DLGAP2: variants seen among roughly 807,000 people sequenced by gnomAD.
The protein encoded by DLGAP2 is DLG associated protein 2, also known as disks large-associated protein 2.
In DLGAP2, 26 loss-of-function variants were observed where a neutral mutation model predicts 100.3. That is an observed-to-expected ratio of 0.26 (90% CI 0.19 to 0.36). The LOEUF (loss-of-function observed/expected upper bound fraction) is 0.36, where lower values mean the gene tolerates loss of function less well. DLGAP2 is among the 10% of genes least tolerant of loss of function. The pLI, the probability that DLGAP2 is intolerant of heterozygous loss-of-function variation, is 1.00. For synonymous variants in DLGAP2, 886 were observed against 630.1 expected (o/e 1.41, Z -6.08); for missense variants, 1,858 against 1,453.2 (o/e 1.28, Z -4.53).
intron 2 of DLGAP2, among the ~76,000 whole-genome samples, chr8:1,221,973 T>C (rs1798323005): frequency 6.6e-6 from 1 of 152,232 alleles, no homozygotes; most frequent in South Asian, 2.1e-4. Flanking sequence ...TGAAAATTGT[T>C]GTCGTTCAAC....
chr8:1,644,028 T>C (rs1398403209), intron 8 of DLGAP2, among the ~76,000 whole-genome samples: 5 of 70,930 alleles, frequency 7.0e-5, no homozygotes, highest in East Asian at 4.3e-4. Context: ...CCGCCGGCCC[T>C]CACCTGTGTC....
chr8:870,114 A>G (rs745989607), intron 1 of DLGAP2, among the ~76,000 whole-genome samples: 33 of 152,008 alleles, frequency 2.2e-4, no homozygotes, highest in Non-Finnish European at 3.8e-4. Flanking sequence ...TTGCTTTCTT[A>G]AGATTTTCTC....
At position 867,153 on chromosome 8, in the gene DLGAP2, C is replaced by T. The variant is rs532100294; in HGVS notation, c.19-40759C>T. Among the ~76,000 whole-genome samples, 379 of 152,288 alleles carry T rather than the reference C, an allele frequency of 2.5e-3. 1 individual carries two copies. Among genetic ancestry groups the T allele is most frequent in the African/African-American group, 8.7e-3 (362 of 41,564 alleles). ...GACCACAGACTTCTCAGTTCAGACA[C>T]GGAGTTCGTAAATTAATGTTATCTT... On this transcript the variant is annotated intron_variant, in intron 1 of 14. Coordinates refer to ENST00000637795, the MANE Select transcript of DLGAP2 (RefSeq NM_001346810.2).
At chr8:1,156,341 G>A (rs1361468212) in intron 2 of DLGAP2, among the ~76,000 whole-genome samples, 1 of 152,190 alleles carries the variant, frequency 6.6e-6, no homozygotes, top group Non-Finnish European at 1.5e-5. Context: ...GAAGCCTGGT[G>A]GCCCGGAGGA....
chr8:1,159,281 C>G (rs977965344), intron 2 of DLGAP2, among the ~76,000 whole-genome samples: 1 of 152,172 alleles, frequency 6.6e-6, no homozygotes, highest in African/African-American at 2.4e-5. Context: ...TCAAGAGTCT[C>G]CTGTTGTTTA....
At chr8:1,279,391 T>C (rs1799770327) in intron 3 of DLGAP2, among the ~76,000 whole-genome samples, 1 of 152,234 alleles carries the variant, frequency 6.6e-6, no homozygotes, top group Admixed American at 6.5e-5. Flanking sequence ...ATGATGTCTG[T>C]CTTAATTGAT....
intron 2 of DLGAP2, among the ~76,000 whole-genome samples, chr8:1,057,996 A>G (rs1802933589): frequency 6.6e-6 from 1 of 152,216 alleles, no homozygotes; most frequent in Admixed American, 6.5e-5. Flanking sequence ...ACATGAACCT[A>G]AGATTATGGG....
chr8:1,701,388 G>A lies in DLGAP2; in HGVS notation c.3150G>A (p.Glu1050=). ...RADSIEIYIP[E]AQTRL ...ACAGCATCGAGATCTACATCCCCGA[G>A]GCCCAGACCCGGCTCTGAGGGCGGA... is the stretch of plus-strand genomic sequence containing the variant. Residue 1050 remains glutamate (E), a synonymous_variant, in exon 15 of 15, where the codon GAG becomes GAA. Transcript: ENST00000637795. 2 of 1,594,848 alleles carry A rather than the reference G, an allele frequency of 1.3e-6. No individual in the cohort carries two copies. The highest frequency in any genetic ancestry group is 1.7e-6 in the Non-Finnish European group (2 of 1,171,640).
intron 3 of DLGAP2, among the ~76,000 whole-genome samples, chr8:1,495,270 A>G (rs1003927716): frequency 2.6e-5 from 4 of 151,926 alleles, no homozygotes; most frequent in African/African-American, 9.7e-5. Context: ...CCAGACAGCC[A>G]GTGCCAGCGT....
At chr8:1,004,624 C>G (rs1801053557) in intron 2 of DLGAP2, among the ~76,000 whole-genome samples, 1 of 152,210 alleles carries the variant, frequency 6.6e-6, no homozygotes, top group Non-Finnish European at 1.5e-5. Context: ...AGCTCGCACA[C>G]TGAGCCTCTG....
At chr8:1,031,086 C>T (rs997994276) in intron 2 of DLGAP2, among the ~76,000 whole-genome samples, 24 of 152,214 alleles carry the variant, frequency 1.6e-4, no homozygotes, top group Admixed American at 9.2e-4. Context: ...CTGGCGTCTG[C>T]GGGAGAAGCT....
intron 2 of DLGAP2, among the ~76,000 whole-genome samples, chr8:1,163,852 A>G (rs1796940316): frequency 6.6e-6 from 1 of 152,208 alleles, no homozygotes; most frequent in Non-Finnish European, 1.5e-5. Flanking sequence ...AGCTCTGCTC[A>G]GCACTGCGGC....
chr8:1,311,756 G>A (rs1800619538), intron 3 of DLGAP2, among the ~76,000 whole-genome samples: 1 of 151,732 alleles, frequency 6.6e-6, no homozygotes. Context: ...TTCTCAGTAT[G>A]ATAAAGGGCA....
At chr8:1,363,386 C>T (rs1296121998) in intron 3 of DLGAP2, among the ~76,000 whole-genome samples, 12 of 152,180 alleles carry the variant, frequency 7.9e-5, no homozygotes, top group South Asian at 2.1e-4. Context: ...GGCACACCTG[C>T]GGCTGCCTCT....
intron 4 of DLGAP2, among the ~76,000 whole-genome samples, chr8:1,505,813 A>AT (rs148621948): frequency 0.011 from 1,605 of 152,280 alleles, 73 homozygotes; most frequent in Admixed American, 0.079. Flanking sequence ...TAAGAATGGC[A>AT]TTTTTTCATT....
intron 3 of DLGAP2, among the ~76,000 whole-genome samples, chr8:1,410,092 C>T (rs1174367160): frequency 6.6e-6 from 1 of 152,162 alleles, no homozygotes; most frequent in Non-Finnish European, 1.5e-5. Flanking sequence ...CAAGCGGTGT[C>T]CTCCCCAGGA....
At chr8:1,121,416 A>G (rs1796044944) in intron 2 of DLGAP2, among the ~76,000 whole-genome samples, 1 of 151,266 alleles carries the variant, frequency 6.6e-6, no homozygotes, top group African/African-American at 2.4e-5. Flanking sequence ...TCTTCCCTTC[A>G]GAACCCCTGA....
intron 3 of DLGAP2, among the ~76,000 whole-genome samples, chr8:1,490,752 G>A (rs1374094201): frequency 6.6e-6 from 1 of 152,140 alleles, no homozygotes; most frequent in East Asian, 1.9e-4. Context: ...AGAATCTCTG[G>A]GCTGGGGCAT....
chr8:936,096 T>C (rs1799063970), intron 2 of DLGAP2, among the ~76,000 whole-genome samples: 2 of 152,240 alleles, frequency 1.3e-5, no homozygotes, highest in South Asian at 4.1e-4. Flanking sequence ...GCTGCCGGTG[T>C]GTTCTGACTG....
Sources: allele counts gnomAD v4.1 joint callset (sites outside exome capture counted in the v4.1 genomes callset), GRCh38; gene constraint gnomAD v4.1.1; transcripts MANE v1.5; gene names NCBI Gene and HGNC (gene_info 2026-07-23, HGNC 2026-07-21).